The following HAVCR1 variants were observed in gnomAD, a reference collection of about 807,000 sequenced individuals.
HAVCR1 encodes the protein T cell immunoglobin domain and mucin domain protein 1.
Under a neutral mutation model 32.0 loss-of-function variants are expected in HAVCR1, and 34 were observed. The ratio of observed to expected loss-of-function variants is 1.06; its 90% CI spans 0.81 to 1.42. The LOEUF (loss-of-function observed/expected upper bound fraction) is 1.42. Among genes scored for constraint, HAVCR1 ranks in the 40% most tolerant of loss-of-function variants. The probability of loss-of-function intolerance (pLI) is 0.00; values close to 1 mark genes in which losing one functional copy is unlikely to be tolerated. For synonymous variants in HAVCR1, 178 were observed against 170.3 expected (o/e 1.05, Z -0.35); for missense variants, 420 against 442.3 (o/e 0.95, Z 0.45).
chr5:157,049,081 T>C lies in HAVCR1; in HGVS notation c.738A>G (p.Ile246Met), dbSNP rs1755590439. The change falls in exon 5 of 9, where the codon ATA becomes ATG. Residue 246 changes from isoleucine to methionine, a missense_variant. Physicochemically the swap from Ile to Met is conservative, Grantham distance 10. Coordinates refer to ENST00000523175, the MANE Select transcript of HAVCR1 (RefSeq NM_001173393.3). ...ATGGTGAGCTGGTGGGTTCTCTCCT[T>C]ATTGCTCCCTGCAGTGTCGTAGGGT... ...ETHPTTLQGAIRREPTSSPLY... is the reference protein window; with the variant it reads ...ETHPTTLQGAMRREPTSSPLY... The C allele has an allele frequency of 1.4e-5, 22 of 1,612,494 alleles. No homozygotes were observed. Among genetic ancestry groups the C allele is most frequent in the Non-Finnish European group, 1.8e-5 (21 of 1,178,728 alleles).
intron 4 of HAVCR1, among the ~76,000 whole-genome samples, chr5:157,050,947 C>G (rs569569066): frequency 3.9e-5 from 6 of 152,162 alleles, no homozygotes; most frequent in Non-Finnish European, 7.3e-5. Flanking sequence ...ATTTTTCCAG[C>G]TAAGAGGCTG....
rs376448376 is a variant in HAVCR1, at chr5:157,047,486, G to C, written c.781+1552C>G. 5.9e-5 allele frequency among the ~76,000 whole-genome samples: 9 copies of C among 152,054 alleles called. 1 individual carries two copies. The highest frequency in any genetic ancestry group is 1.9e-4 in the East Asian group (1 of 5,156). On this transcript the variant is annotated intron_variant, in intron 5 of 8. Coordinates refer to ENST00000523175, the MANE Select transcript of HAVCR1 (RefSeq NM_001173393.3). ...GAATTGCTTGAACTTGGGAGCAGAGGTTGCAGTGAGCCAAGATCATGTCAC... is the reference window on the plus strand; with the variant it reads ...GAATTGCTTGAACTTGGGAGCAGAGCTTGCAGTGAGCCAAGATCATGTCAC...
upstream of HAVCR1, among the ~76,000 whole-genome samples, chr5:157,061,218 C>T (rs1470786211): frequency 1.3e-5 from 2 of 152,074 alleles, no homozygotes; most frequent in Non-Finnish European, 2.9e-5. Flanking sequence ...TATTTAATTT[C>T]ATTTTAATTA....
intron 4 of HAVCR1, among the ~76,000 whole-genome samples, chr5:157,051,250 CT>C (rs1175584339): frequency 2.0e-5 from 3 of 152,154 alleles, no homozygotes; most frequent in Non-Finnish European, 4.4e-5. Context: ...TCCAATGTTA[CT>C]TTTTCCTAAG....
chr5:157,042,072 A>G (rs1237635875), intron 6 of HAVCR1, among the ~76,000 whole-genome samples: 1 of 115,976 alleles, frequency 8.6e-6, no homozygotes, highest in Non-Finnish European at 1.9e-5. Context: ...AAATTAGCTC[A>G]TTCTTTCTTC....
At position 157,055,256 on chromosome 5, in the gene HAVCR1, C is replaced by G; in HGVS notation, c.324G>C (p.Glu108Asp). 6.2e-7 allele frequency: 1 copy of G among 1,611,776 alleles called. No individual in the cohort carries two copies. The highest frequency in any genetic ancestry group is 8.5e-7 in the Non-Finnish European group (1 of 1,178,242). Residue 108 changes from glutamate (E) to aspartate (D), a missense_variant, in exon 3 of 9, where the codon GAG becomes GAC. Transcript: ENST00000523175. The part of the protein sequence containing the change: ...SDSGVYCCRV[E>D]HRGWFNDMKI... ...TCATGTCATTGAACCACCCACGGTG[C>G]TCAACACGGCAACAATATACGCCAC...
intron 6 of HAVCR1, 111 bp from the exon 7 acceptor site, chr5:157,037,472 C>T (rs566238883): frequency 6.4e-6 from 4 of 628,868 alleles, no homozygotes; most frequent in African/African-American, 3.7e-5. Context: ...TGCTTGGGGA[C>T]TTCTGGAACA....
intron 2 of HAVCR1, among the ~76,000 whole-genome samples, chr5:157,057,441 A>C (rs1028435571): frequency 7.5e-6 from 1 of 133,836 alleles, no homozygotes; most frequent in Non-Finnish European, 1.7e-5. Context: ...GAAAGAAAGA[A>C]AGAAAGAAAG....
At chr5:157,032,426 G>C (rs1754231189) in intron 8 of HAVCR1, among the ~76,000 whole-genome samples, 2 of 152,202 alleles carry the variant, frequency 1.3e-5, no homozygotes, top group Admixed American at 1.3e-4. Context: ...GCTGAGGCAG[G>C]AGAATCGCTT....
Position 157,044,621 on chromosome 5 carries a change from GAAAGAA to G in HAVCR1, c.782-1945_782-1940del, listed in dbSNP as rs1554090544. ...AAAGAAAGAAAGAAAGAAAGAGAAA[GAAAGAA>G]AGAAAGAAAGAAAGAAAGAAAGAAA... On this transcript the variant is annotated intron_variant, in intron 5 of 8. Transcript: ENST00000523175. 7.4e-3 allele frequency among the ~76,000 whole-genome samples: 317 copies of G among 42,610 alleles called. 3 individuals carry two copies. The highest frequency in any genetic ancestry group is 0.022 in the Middle Eastern group (2 of 90). 28.0% of individuals were successfully genotyped at this position (42,610 alleles called of 152,430 possible).
At chr5:157,034,876 A>C (rs1217142864) in intron 7 of HAVCR1, among the ~76,000 whole-genome samples, 1 of 152,130 alleles carries the variant, frequency 6.6e-6, no homozygotes, top group Non-Finnish European at 1.5e-5. Context: ...ACAGATTAAC[A>C]GCATCTCAAG....
chr5:157,034,018 C>T (rs1435315774), intron 7 of HAVCR1, among the ~76,000 whole-genome samples: 1 of 152,186 alleles, frequency 6.6e-6, no homozygotes, highest in East Asian at 1.9e-4. Flanking sequence ...GGGCCAGCCC[C>T]TCCACACCTG....
chr5:157,038,853 C>T (rs1297295077), intron 6 of HAVCR1, among the ~76,000 whole-genome samples: 5 of 152,300 alleles, frequency 3.3e-5, no homozygotes, highest in African/African-American at 9.6e-5. Context: ...AACCAGGTCA[C>T]GGACAGTGGC....
intron 3 of HAVCR1, among the ~76,000 whole-genome samples, chr5:157,052,903 G>A (rs1157520400): frequency 6.6e-6 from 1 of 152,102 alleles, no homozygotes; most frequent in African/African-American, 2.4e-5. Context: ...AAGAACAGAC[G>A]CCTCATATTT....
At chr5:157,060,628 A>C (rs1471319544), upstream of HAVCR1, among the ~76,000 whole-genome samples, 3 of 152,038 alleles carry the variant, frequency 2.0e-5, no homozygotes, top group Non-Finnish European at 4.4e-5. Flanking sequence ...GCCCGGTAGA[A>C]TTTTAGTAAT....
chr5:157,049,078 CCTT>C lies in HAVCR1; in HGVS notation c.738_740del (p.Ile246_Arg247delinsMet). 3 of 1,612,422 alleles carry C rather than the reference CCTT, an allele frequency of 1.9e-6. No individual in the cohort carries two copies. The highest frequency in any genetic ancestry group is 2.5e-6 in the Non-Finnish European group (3 of 1,178,586). ...ACAATGGTGAGCTGGTGGGTTCTCTCCTTATTGCTCCCTGCAGTGTCGTAGGGT... is the reference window on the plus strand; with the variant it reads ...ACAATGGTGAGCTGGTGGGTTCTCTCATTGCTCCCTGCAGTGTCGTAGGGT... On this transcript the variant is annotated inframe_deletion, in exon 5 of 9. Transcript: ENST00000523175.
chr5:157,035,760 C>T, intron 7 of HAVCR1, among the ~76,000 whole-genome samples: 1 of 151,838 alleles, frequency 6.6e-6, no homozygotes, highest in Admixed American at 6.6e-5. Flanking sequence ...ACAGGTTTGG[C>T]ATCCTCAGTT....
chr5:157,041,753 T>C (rs1754907147), intron 6 of HAVCR1, among the ~76,000 whole-genome samples: 1 of 152,132 alleles, frequency 6.6e-6, no homozygotes, highest in African/African-American at 2.4e-5. Context: ...TCTTAACTTG[T>C]TCTCCTTAAA....
chr5:157,066,858 A>G, the HAVCR1 span, among the ~76,000 whole-genome samples: 1 of 152,194 alleles, frequency 6.6e-6, no homozygotes, highest in Non-Finnish European at 1.5e-5. Context: ...AGGCTGAGGC[A>G]GGCGGATCAC....
Sources: allele counts gnomAD v4.1 joint callset (sites outside exome capture counted in the v4.1 genomes callset), GRCh38; gene constraint gnomAD v4.1.1; transcripts MANE v1.5; gene names NCBI Gene and HGNC (gene_info 2026-07-23, HGNC 2026-07-21).